FIP1L1: variants seen among roughly 807,000 people sequenced by gnomAD.
FIP1L1 encodes factor interacting with PAPOLA and CPSF1, also known as pre-mRNA 3'-end-processing factor FIP1.
FIP1L1 carries 21 observed loss-of-function variants against 84.6 expected under a neutral mutation model. That is an observed-to-expected ratio of 0.25 (90% CI 0.18 to 0.36). The LOEUF (loss-of-function observed/expected upper bound fraction) is 0.36, where lower values mean the gene tolerates loss of function less well. Among genes scored for constraint, FIP1L1 ranks in the 10% least tolerant of loss-of-function variants. The pLI is 1.00. For missense variants in FIP1L1, 526 were observed against 751.1 expected, an observed-to-expected ratio of 0.70 and a Z score of 3.50; for synonymous variants, 263 against 242.3, an observed-to-expected ratio of 1.09 and a Z score of -0.80.
chr4:53,405,111 AGGTT>A (rs1233676946), intron 10 of FIP1L1, among the ~76,000 whole-genome samples: 1 of 152,132 alleles, frequency 6.6e-6, no homozygotes, highest in Non-Finnish European at 1.5e-5. Flanking sequence ...GGTAATGCCT[AGGTT>A]TTCTTCTAGG....
At chr4:53,412,679 T>A (rs1757739217) in intron 10 of FIP1L1, among the ~76,000 whole-genome samples, 1 of 152,114 alleles carries the variant, frequency 6.6e-6, no homozygotes, top group Non-Finnish European at 1.5e-5. Flanking sequence ...GTTTGTCATG[T>A]TATTTTATTA....
chr4:53,432,394 A>C (rs1454371512), intron 13 of FIP1L1, among the ~76,000 whole-genome samples: 1 of 63,480 alleles, frequency 1.6e-5, no homozygotes, highest in East Asian at 4.2e-4. Flanking sequence ...GCAAAACTCC[A>C]TCTCAAAAAA....
In FIP1L1 at chr4:53,381,753, C is replaced by CTTTTTTTTTTTTTTTTTTTTTTTT. The variant is rs531488760; in HGVS notation, c.171-524_171-501dup. On this transcript the variant is annotated intron_variant, in intron 3 of 17. Coordinates refer to ENST00000337488, the MANE Select transcript of FIP1L1 (RefSeq NM_030917.4). ...AATAAACTGTGAAGGCATTTGCATT[C>CTTTTTTTTTTTTTTTTTTTTTTTT]TTTTTTTTTTTTTTTTTTTTTTTTG... Among the ~76,000 whole-genome samples the CTTTTTTTTTTTTTTTTTTTTTTTT allele has an allele frequency of 1.6e-3, 140 of 87,930 alleles. 34 individuals carry two copies. Among genetic ancestry groups the CTTTTTTTTTTTTTTTTTTTTTTTT allele is most frequent in the Non-Finnish European group, 2.3e-3 (114 of 49,462 alleles). 57.7% of individuals were successfully genotyped at this position (87,930 alleles called of 152,430 possible).
chr4:53,427,818 A>G (rs1322886915), intron 12 of FIP1L1, among the ~76,000 whole-genome samples: 2 of 152,172 alleles, frequency 1.3e-5, no homozygotes, highest in East Asian at 3.9e-4. Context: ...GAATATGCAC[A>G]TTTTTAAAAC....
intron 17 of FIP1L1, 38 bp from the exon 18 acceptor site, chr4:53,459,262 TTA>T: frequency 7.0e-7 from 1 of 1,432,500 alleles, no homozygotes; most frequent in South Asian, 1.3e-5. Flanking sequence ...GATTGTGTAT[TTA>T]AACAGAACAC....
At chr4:53,385,491 G>A (rs10024153) in intron 5 of FIP1L1, among the ~76,000 whole-genome samples, 18,324 of 151,966 alleles carry the variant, frequency 0.12, 2,137 homozygotes, top group African/African-American at 0.29. Flanking sequence ...AGAAACCATT[G>A]AATTCAAAAC....
At chr4:53,407,265 T>C (rs1218521129) in intron 10 of FIP1L1, among the ~76,000 whole-genome samples, 7 of 152,212 alleles carry the variant, frequency 4.6e-5, no homozygotes, top group Admixed American at 2.0e-4. Context: ...ATTTCATTAT[T>C]TACCCAGTAG....
intron 10 of FIP1L1, among the ~76,000 whole-genome samples, chr4:53,410,956 C>T (rs1457433581): frequency 1.2e-5 from 1 of 81,898 alleles, no homozygotes; most frequent in East Asian, 3.3e-4. Flanking sequence ...TAGAATGTAT[C>T]CCCCAAGAAT....
At chr4:53,420,436 A>C (rs1761926384) in intron 11 of FIP1L1, among the ~76,000 whole-genome samples, 2 of 94,448 alleles carry the variant, frequency 2.1e-5, no homozygotes, top group African/African-American at 2.9e-5. Flanking sequence ...TCTCAAAAAA[A>C]AAAAAAAAAA....
intron 15 of FIP1L1, among the ~76,000 whole-genome samples, chr4:53,451,301 T>G (rs1715777973): frequency 7.0e-6 from 1 of 142,026 alleles, no homozygotes; most frequent in African/African-American, 2.7e-5. Flanking sequence ...TCGGGGGTTG[T>G]TTTTTTTTTT....
chr4:53,440,748 C>CT (rs1157892276), intron 13 of FIP1L1: 1 of 666,760 alleles, frequency 1.5e-6, no homozygotes, highest in African/African-American at 1.8e-5. Context: ...TCAGCTCTGC[C>CT]TTTGCTTCAT....
intron 11 of FIP1L1, among the ~76,000 whole-genome samples, chr4:53,422,670 CT>C (rs1288685161): frequency 6.6e-6 from 1 of 151,510 alleles, no homozygotes; most frequent in Non-Finnish European, 1.5e-5. Flanking sequence ...ATGTCCTTTG[CT>C]TTGGCTTCCA....
intron 15 of FIP1L1, among the ~76,000 whole-genome samples, chr4:53,449,203 T>C (rs1414173701): frequency 2.0e-5 from 3 of 152,050 alleles, no homozygotes; most frequent in African/African-American, 7.2e-5. Context: ...AAAGTGGAGT[T>C]CTTGTATGAT....
chr4:53,387,878 G>C (rs1460314464), intron 5 of FIP1L1, among the ~76,000 whole-genome samples: 1 of 152,180 alleles, frequency 6.6e-6, no homozygotes, highest in East Asian at 1.9e-4. Context: ...CGTGAAGGCA[G>C]GAACCGTAAT....
chr4:53,452,584 G>A (rs62325228), intron 15 of FIP1L1, among the ~76,000 whole-genome samples: 4 of 152,204 alleles, frequency 2.6e-5, no homozygotes, highest in African/African-American at 4.8e-5. Flanking sequence ...TTCCCAAAGC[G>A]TTGGGATTAC....
intron 1 of FIP1L1, 54 bp downstream of exon 1, chr4:53,377,977 C>T (rs759424657): frequency 2.3e-4 from 332 of 1,427,916 alleles, no homozygotes; most frequent in Non-Finnish European, 3.0e-4. Context: ...CCCCTCTTGG[C>T]CCTCAAACGG....
At chr4:53,446,471 C>T (rs1213725927) in intron 15 of FIP1L1, among the ~76,000 whole-genome samples, 1 of 152,158 alleles carries the variant, frequency 6.6e-6, no homozygotes, top group Non-Finnish European at 1.5e-5. Context: ...GGCAGTGTAG[C>T]ATCATTGTTA....
intron 11 of FIP1L1, among the ~76,000 whole-genome samples, chr4:53,420,626 T>C (rs1042677292): frequency 1.3e-5 from 2 of 152,172 alleles, no homozygotes; most frequent in African/African-American, 4.8e-5. Context: ...TAATAAATTG[T>C]TACTCGAACA....
chr4:53,459,563 A>C lies in FIP1L1; in HGVS notation c.*114A>C. ...CTTAAATCTTGTTCTGTTTGTTAGT[A>C]TGAAAAGTTAACTTTTTTTCCAAAA... is the stretch of plus-strand genomic sequence containing the variant. On this transcript the variant is annotated 3_prime_UTR_variant, in exon 18 of 18. Transcript: ENST00000337488. The C allele has an allele frequency of 6.9e-7, 1 of 1,456,356 alleles. No individual in the cohort carries two copies. Among genetic ancestry groups the C allele is most frequent in the Non-Finnish European group, 9.4e-7 (1 of 1,060,850 alleles). The allele number at this position is 1,456,356 out of a possible 1,614,324, so 90.2% of individuals were successfully genotyped here.
Sources: gnomAD v4.1 joint callset for allele counts (sites outside exome capture counted in the v4.1 genomes callset) on GRCh38, gnomAD v4.1.1 for gene constraint, MANE v1.5 for transcripts, NCBI Gene and HGNC (gene_info 2026-07-23, HGNC 2026-07-21) for gene names.